BRSK2: variants seen among roughly 807,000 people sequenced by gnomAD.
BRSK2 encodes serine/threonine-protein kinase BRSK2.
A neutral mutation model predicts 83.3 loss-of-function variants in BRSK2; 19 were observed. That is an observed-to-expected ratio of 0.23 (90% CI 0.16 to 0.33). BRSK2 has a LOEUF of 0.33. Among genes scored for constraint, BRSK2 ranks in the 10% least tolerant of loss-of-function variants. The probability of loss-of-function intolerance (pLI) is 1.00; values close to 1 mark genes in which losing one functional copy is unlikely to be tolerated. For synonymous variants in BRSK2, 519 were observed against 435.4 expected, an observed-to-expected ratio of 1.19 and a Z score of -2.39; for missense variants, 798 against 1,042.3, an observed-to-expected ratio of 0.77 and a Z score of 3.23.
Position 1,456,360 on chromosome 11 carries a change from A to C in BRSK2, c.1681A>C (p.Ser561Arg), listed in dbSNP as rs774985884. The part of the protein sequence containing the change: ...VHAFLSIPSL[S>R]HSVISQTSFR... ...TCTCTCTCCACAGATTCCCAGTCTC[A>C]GCCACAGCGTCATCTCCCAAACGAG... Residue 561 changes from serine (S) to arginine (R), a missense_variant, in exon 17 of 20, where the codon AGC (serine) becomes CGC (arginine). Transcript: ENST00000528841. The C allele has an allele frequency of 1.3e-6, 2 of 1,568,718 alleles. No homozygotes were observed.
chr11:1,455,494 C>G (rs2133252010), intron 16 of BRSK2, among the ~76,000 whole-genome samples: 1 of 152,192 alleles, frequency 6.6e-6, no homozygotes, highest in South Asian at 2.1e-4. Flanking sequence ...CCCGGGCACT[C>G]AGGCCACTGC....
intron 12 of BRSK2, 60 bp downstream of exon 12, chr11:1,445,967 C>A (rs926780571): frequency 1.2e-5 from 18 of 1,532,796 alleles, no homozygotes; most frequent in Middle Eastern, 2.2e-4. Context: ...GCGGCACTGC[C>A]GCCTGGCTCA....
At chr11:1,447,564 C>T (rs1006218603) in intron 12 of BRSK2, among the ~76,000 whole-genome samples, 1 of 152,148 alleles carries the variant, frequency 6.6e-6, no homozygotes, top group African/African-American at 2.4e-5. Context: ...CACAGGGCTG[C>T]TGACTGGGGA....
chr11:1,454,195 G>A lies in BRSK2; in HGVS notation c.1545-290G>A, dbSNP rs1261046202. 23 of 203,452 alleles carry A rather than the reference G, an allele frequency of 1.1e-4. No homozygotes were observed. The highest frequency in any genetic ancestry group is 1.5e-4 in the Non-Finnish European group (18 of 119,722). The allele number at this position is 203,452 out of a possible 1,614,324, so 12.6% of individuals were successfully genotyped here. On this transcript the variant is annotated intron_variant, in intron 15 of 19. Coordinates refer to ENST00000528841, the MANE Select transcript of BRSK2 (RefSeq NM_001256627.2). The surrounding 1 kb of genome is among the most constrained non-coding windows in gnomAD (Gnocchi z 5.2). ...CTGTGGGGGGCTCACCTGTGGAGGG[G>A]CATCCCCAGACTTGGGAGTGGGTGG...
intron 4 of BRSK2, 69 bp from the exon 5 acceptor site, chr11:1,442,421 G>A (rs1851468363): frequency 8.2e-7 from 1 of 1,219,728 alleles, no homozygotes; most frequent in Non-Finnish European, 1.2e-6. Context: ...CTGGGCAGGG[G>A]GTCTCCAGGG....
At chr11:1,393,343 C>T (rs1473741340) in intron 1 of BRSK2, among the ~76,000 whole-genome samples, 1 of 152,094 alleles carries the variant, frequency 6.6e-6, no homozygotes, top group Admixed American at 6.5e-5. Flanking sequence ...CTGGGAGGGC[C>T]CTGTGGGAGG....
In BRSK2 at chr11:1,442,477, C is replaced by T; in HGVS notation, c.414-13C>T. 1 of 1,606,928 alleles carries T rather than the reference C, an allele frequency of 6.2e-7. No homozygotes were observed. The highest frequency in any genetic ancestry group is 8.5e-7 in the Non-Finnish European group (1 of 1,174,624). ...AGACTGGCCCTGTTCAGCCTCACCA[C>T]CCTCCTCCCCAGCCACAGGGATCTG... On this transcript the variant is annotated splice_polypyrimidine_tract_variant and intron_variant, in intron 4 of 19. Coordinates refer to ENST00000528841, the MANE Select transcript of BRSK2 (RefSeq NM_001256627.2).
intron 1 of BRSK2, chr11:1,410,980 A>AG (rs1164100447): frequency 6.1e-6 from 6 of 978,528 alleles, no homozygotes; most frequent in Non-Finnish European, 7.3e-6. Context: ...GGCCCCGCTG[A>AG]GGGGGGCAGG....
chr11:1,459,181 C>G lies in BRSK2; in HGVS notation c.1940-11C>G. 1 of 1,613,664 alleles carries G rather than the reference C, an allele frequency of 6.2e-7. No individual in the cohort carries two copies. Among genetic ancestry groups the G allele is most frequent in the Non-Finnish European group, 8.5e-7 (1 of 1,179,684 alleles). ...TCACTCCCTCCCTCCTCTCTCCATT[C>G]TGTACTCCAGACACCACTAACTGTA... On this transcript the variant is annotated splice_polypyrimidine_tract_variant and intron_variant, in intron 18 of 19. Transcript: ENST00000528841.
At chr11:1,460,267 C>G (rs1233433289) in intron 19 of BRSK2, among the ~76,000 whole-genome samples, 1 of 152,134 alleles carries the variant, frequency 6.6e-6, no homozygotes, top group East Asian at 1.9e-4. Flanking sequence ...CCGCACAGCC[C>G]CCAGCGTACA....
In BRSK2 at chr11:1,461,711, T is replaced by G. The variant is rs759100211; in HGVS notation, c.*988T>G. ...GGGGCTGGCGAGCTACTGTAAACTTTAAAGAATTCCTGCAAGATATTTTTA... is the reference window on the plus strand; with the variant it reads ...GGGGCTGGCGAGCTACTGTAAACTTGAAAGAATTCCTGCAAGATATTTTTA... On this transcript the variant is annotated 3_prime_UTR_variant, in exon 20 of 20. Coordinates refer to ENST00000528841, the MANE Select transcript of BRSK2 (RefSeq NM_001256627.2). 1.3e-5 allele frequency: 2 copies of G among 150,320 alleles called. No homozygotes were observed. The highest frequency in any genetic ancestry group is 2.9e-5 in the Non-Finnish European group (2 of 67,808). The allele number at this position is 150,320 out of a possible 1,614,324, so 9.3% of individuals were successfully genotyped here. A position where few individuals can be genotyped will look rare whatever the true frequency, so the allele number is the denominator to read the frequency against.
intron 13 of BRSK2, 79 bp downstream of exon 13, chr11:1,449,915 G>C (rs2133183512): frequency 2.6e-6 from 3 of 1,132,984 alleles, no homozygotes. Context: ...CAGGGTGGGG[G>C]CAGCCTCGCG....
chr11:1,445,275 G>C lies in BRSK2; in HGVS notation c.813-19G>C. 1 of 1,595,974 alleles carries C rather than the reference G, an allele frequency of 6.3e-7. No individual in the cohort carries two copies. Among genetic ancestry groups the C allele is most frequent in the East Asian group, 2.3e-5 (1 of 44,408 alleles). On this transcript the variant is annotated intron_variant, in intron 9 of 19. Transcript: ENST00000528841. ...CCCGGCCGGAGCTGATGAGCGGGTG[G>C]CCCGTCCTGTGTCCACAGAGGGGGC...
Position 1,443,530 on chromosome 11 carries a change from G to A in BRSK2, c.675G>A (p.Leu225=), listed in dbSNP as rs780525234. 2 of 1,608,604 alleles carry A rather than the reference G, an allele frequency of 1.2e-6. No individual in the cohort carries two copies. Among genetic ancestry groups the A allele is most frequent in the Non-Finnish European group, 1.7e-6 (2 of 1,177,882 alleles). ...ACGATGACAACTTGCGACAGCTGCT[G>A]GAGAAGGTGAAGCGGGGCGTGTTCC... ...PFDDDNLRQL[L]EKVKRGVFHM... The change falls in exon 8 of 20, where the codon CTG becomes CTA. Residue 225 remains leucine (L), a synonymous_variant. Transcript: ENST00000528841.
intron 1 of BRSK2, among the ~76,000 whole-genome samples, chr11:1,401,596 G>T (rs1846482303): frequency 6.6e-6 from 1 of 152,256 alleles, no homozygotes; most frequent in Non-Finnish European, 1.5e-5. Context: ...AACCGCCGGT[G>T]CAGCCTCTGC....
In BRSK2 at chr11:1,450,507, G is replaced by T. The variant is rs1009981887; in HGVS notation, c.1288-80G>T. 3 of 683,482 alleles carry T rather than the reference G, an allele frequency of 4.4e-6. No homozygotes were observed. In the South Asian group the frequency reaches 5.7e-5, roughly 13 times the overall value. 42.3% of individuals were successfully genotyped at this position (683,482 alleles called of 1,614,324 possible). On this transcript the variant is annotated intron_variant, in intron 13 of 19. Coordinates refer to ENST00000528841, the MANE Select transcript of BRSK2 (RefSeq NM_001256627.2). ...TGTCCCCAGCTGGCACCACCCCTGGGCCCGCCTGCCCTGCGGGTGCCCCCC... is the reference window on the plus strand; with the variant it reads ...TGTCCCCAGCTGGCACCACCCCTGGTCCCGCCTGCCCTGCGGGTGCCCCCC...
At position 1,460,670 on chromosome 11, in the gene BRSK2, G is replaced by A; in HGVS notation, c.2158G>A (p.Gly720Ser). The A allele has an allele frequency of 6.6e-7, 1 of 1,524,392 alleles. No homozygotes were observed. Among genetic ancestry groups the A allele is most frequent in the Non-Finnish European group, 8.8e-7 (1 of 1,140,508 alleles). The allele number at this position is 1,524,392 out of a possible 1,614,324, so 94.4% of individuals were successfully genotyped here. A position where few individuals can be genotyped will look rare whatever the true frequency, so the allele number is the denominator to read the frequency against. The change falls in exon 20 of 20, where the codon GGC (glycine) becomes AGC (serine). Residue 720 changes from glycine to serine, a missense_variant. This residue lies in a region of BRSK2 where 455 missense variants were observed against 455.2 expected (regional missense o/e 1.00). Coordinates refer to ENST00000528841, the MANE Select transcript of BRSK2 (RefSeq NM_001256627.2). ...GPGGDAEYPT[G>S]KDTAKMGPPT... ...CGGAGGGGACGCCGAGTACCCAACG[G>A]GCAAGGACACGGCCAAGATGGGCCC...
In BRSK2 at chr11:1,456,873, G is replaced by A. The variant is rs562589548; in HGVS notation, c.1939+186G>A. ...GAGCAGAGCCCCTCCCTGGCCTGGC[G>A]GGACCACCCGCCTCGCCTCTGCACG... On this transcript the variant is annotated intron_variant, in intron 18 of 19. Transcript: ENST00000528841. The A allele has an allele frequency of 6.5e-4, 969 of 1,498,700 alleles. 3 individuals carry two copies. The African/African-American group carries it at 0.012, about 18-fold the overall frequency. The allele number at this position is 1,498,700 out of a possible 1,614,324, so 92.8% of individuals were successfully genotyped here.
chr11:1,425,420 G>A lies in BRSK2; in HGVS notation c.92-10620G>A, dbSNP rs1299464845. Among the ~76,000 whole-genome samples, 14 of 152,040 alleles carry A rather than the reference G, an allele frequency of 9.2e-5. 1 individual carries two copies. The highest frequency in any genetic ancestry group is 9.2e-4 in the Admixed American group (14 of 15,288). On this transcript the variant is annotated intron_variant, in intron 1 of 19. Coordinates refer to ENST00000528841, the MANE Select transcript of BRSK2 (RefSeq NM_001256627.2). ...CCAGAGTCCAGGAGGAAGCTGTGGT[G>A]TCCTTGTGGTCTGTGGATGAGGCCC...
Sources: gnomAD v4.1 joint callset for allele counts (sites outside exome capture counted in the v4.1 genomes callset) on GRCh38, gnomAD v4.1.1 for gene constraint, gnomAD v4.1.1 regional missense constraint, Gnocchi (gnomAD v3.1) non-coding constraint, MANE v1.5 for transcripts, NCBI Gene and HGNC (gene_info 2026-07-23, HGNC 2026-07-21) for gene names.